ASB4: variants seen among roughly 807,000 people sequenced by gnomAD.
ASB4 encodes the protein ankyrin repeat and SOCS box containing 4, also known as ankyrin repeat and SOCS box protein 4.
ASB4 carries 35 observed loss-of-function variants against 38.6 expected under a neutral mutation model. That is an observed-to-expected ratio of 0.91 (90% CI 0.69 to 1.20). ASB4 has a LOEUF of 1.20. Among genes scored for constraint, ASB4 ranks in the 50% most tolerant of loss-of-function variants. ASB4 has a pLI of 0.00. For synonymous variants in ASB4, 195 were observed against 201.3 expected, an observed-to-expected ratio of 0.97 and a Z score of 0.26; for missense variants, 557 against 527.2, an observed-to-expected ratio of 1.06 and a Z score of -0.55.
At chr7:95,486,692 T>A (rs915968025) in intron 1 of ASB4, among the ~76,000 whole-genome samples, 2 of 152,138 alleles carry the variant, frequency 1.3e-5, no homozygotes, top group Non-Finnish European at 2.9e-5. Flanking sequence ...TTTTAATGAG[T>A]TTTCAGTTCA....
chr7:95,548,953 G>T, the ASB4 span, among the ~76,000 whole-genome samples: 1 of 152,102 alleles, frequency 6.6e-6, no homozygotes, highest in African/African-American at 2.4e-5. Context: ...CAATTGCCTA[G>T]GATCTCACAG....
chr7:95,470,840 T>C, the ASB4 span, among the ~76,000 whole-genome samples: 1 of 152,188 alleles, frequency 6.6e-6, no homozygotes, highest in South Asian at 2.1e-4. Flanking sequence ...TTAGGAAAGA[T>C]ACTTACATGT....
chr7:95,530,280 C>T (rs1188219667), intron 3 of ASB4, among the ~76,000 whole-genome samples: 1 of 151,904 alleles, frequency 6.6e-6, no homozygotes, highest in Admixed American at 6.6e-5. Context: ...GCCTGGGCAA[C>T]ACGGTGAAAC....
chr7:95,551,315 A>C, the ASB4 span, among the ~76,000 whole-genome samples: 1 of 152,202 alleles, frequency 6.6e-6, no homozygotes, highest in Non-Finnish European at 1.5e-5. Context: ...TGAGTTATTC[A>C]CATATCCCTT....
chr7:95,550,104 T>C, the ASB4 span, among the ~76,000 whole-genome samples: 1 of 152,194 alleles, frequency 6.6e-6, no homozygotes, highest in East Asian at 1.9e-4. Flanking sequence ...TTATGAACCA[T>C]GGTTTACAGG....
chr7:95,490,774 G>T (rs552584449), intron 1 of ASB4, among the ~76,000 whole-genome samples: 6 of 152,332 alleles, frequency 3.9e-5, no homozygotes, highest in African/African-American at 1.4e-4. Context: ...CAGCTATTGG[G>T]GCATATCTCT....
intron 2 of ASB4, among the ~76,000 whole-genome samples, chr7:95,522,797 C>T (rs1562819638): frequency 6.6e-6 from 1 of 152,188 alleles, no homozygotes; most frequent in Non-Finnish European, 1.5e-5. Flanking sequence ...CTTTTGCCCA[C>T]AGATGAAATC....
chr7:95,550,198 T>TA, the ASB4 span, among the ~76,000 whole-genome samples: 1 of 152,278 alleles, frequency 6.6e-6, no homozygotes, highest in African/African-American at 2.4e-5. Flanking sequence ...GGGACTATCT[T>TA]AGCTTCTGAA....
At position 95,486,011 on chromosome 7, in the gene ASB4, G is replaced by A; in HGVS notation, c.40G>A (p.Ala14Thr). The part of the protein sequence containing the change: ...TTAPVTKSGA[A>T]KLVKRNFLEA... ...TGCCCCTGTCACTAAATCTGGAGCT[G>A]CCAAGTTAGTTAAGAGAAATTTCCT... is the stretch of plus-strand genomic sequence containing the variant. The change falls in exon 1 of 5, where the codon GCC becomes ACC. Residue 14 changes from alanine to threonine, a missense_variant. Ala to Thr is a moderately conservative substitution (Grantham distance 58). Coordinates refer to ENST00000325885, the MANE Select transcript of ASB4 (RefSeq NM_016116.3). 1.9e-6 allele frequency: 3 copies of A among 1,614,054 alleles called. No individual in the cohort carries two copies. Among genetic ancestry groups the A allele is most frequent in the Non-Finnish European group, 2.5e-6 (3 of 1,179,966 alleles).
At chr7:95,494,103 G>C (rs143880845) in intron 1 of ASB4, among the ~76,000 whole-genome samples, 1 of 151,998 alleles carries the variant, frequency 6.6e-6, no homozygotes, top group Non-Finnish European at 1.5e-5. Context: ...ATTTCACATG[G>C]GTGTTTATGC....
intron 3 of ASB4, 55 bp from the exon 4 acceptor site, chr7:95,536,382 A>G (rs1222004589): frequency 1.8e-5 from 21 of 1,150,832 alleles, no homozygotes; most frequent in Non-Finnish European, 2.6e-5. Context: ...TGTGAGCAGA[A>G]TGAATGAACC....
At chr7:95,518,967 A>G (rs1790623209) in intron 2 of ASB4, among the ~76,000 whole-genome samples, 2 of 152,252 alleles carry the variant, frequency 1.3e-5, no homozygotes, top group African/African-American at 4.8e-5. Context: ...ACGGGATGAC[A>G]TAAATCTTAA....
At chr7:95,517,881 A>G (rs1790606601) in intron 2 of ASB4, among the ~76,000 whole-genome samples, 1 of 152,174 alleles carries the variant, frequency 6.6e-6, no homozygotes, top group African/African-American at 2.4e-5. Context: ...AAGGGAGAAA[A>G]GAGTTGCAAA....
chr7:95,493,455 T>C (rs1209770319), intron 1 of ASB4, among the ~76,000 whole-genome samples: 1 of 151,686 alleles, frequency 6.6e-6, no homozygotes, highest in African/African-American at 2.4e-5. Context: ...AAACTTTGGG[T>C]TGAGTTCATT....
downstream of ASB4, among the ~76,000 whole-genome samples, chr7:95,545,070 T>C (rs1349028998): frequency 6.6e-6 from 1 of 151,188 alleles, no homozygotes; most frequent in Non-Finnish European, 1.5e-5. Context: ...GCATTTTAAC[T>C]GCAACGATTT....
At chr7:95,548,732 A>G in the ASB4 span, among the ~76,000 whole-genome samples, 1 of 152,206 alleles carries the variant, frequency 6.6e-6, no homozygotes, top group South Asian at 2.1e-4. Flanking sequence ...GTTTTTTGTT[A>G]CCAGTAGCTT....
intron 1 of ASB4, among the ~76,000 whole-genome samples, chr7:95,480,487 A>G (rs1038906202): frequency 1.3e-5 from 2 of 152,142 alleles, no homozygotes; most frequent in Non-Finnish European, 2.9e-5. Flanking sequence ...GTGGTATATG[A>G]CTTCCTAGGT....
chr7:95,504,148 C>T (rs952707850), intron 2 of ASB4, among the ~76,000 whole-genome samples: 2 of 152,084 alleles, frequency 1.3e-5, no homozygotes, highest in Non-Finnish European at 2.9e-5. Flanking sequence ...TCTACCTATT[C>T]CATTCGTAAG....
upstream of ASB4, among the ~76,000 whole-genome samples, chr7:95,484,026 T>TAA (rs11431388): frequency 0.017 from 2,385 of 138,896 alleles, 47 homozygotes; most frequent in African/African-American, 0.043. Context: ...CATTAAAAAG[T>TAA]AAAAAAAAAA....
Sources: allele counts gnomAD v4.1 joint callset (sites outside exome capture counted in the v4.1 genomes callset), GRCh38; gene constraint gnomAD v4.1.1; transcripts MANE v1.5; gene names NCBI Gene and HGNC (gene_info 2026-07-23, HGNC 2026-07-21).